EDA: variants seen among roughly 807,000 people sequenced by gnomAD.
EDA encodes ectodysplasin-A.
EDA carries 2 observed loss-of-function variants against 23.6 expected under a neutral mutation model. The ratio of observed to expected loss-of-function variants is 0.08; its 90% CI spans 0.03 to 0.27. The LOEUF is 0.27. EDA is among the 10% of genes least tolerant of loss of function. EDA has a pLI of 1.00. For missense variants in EDA, 229 were observed against 324.2 expected (o/e 0.71, Z 2.26); for synonymous variants, 131 against 132.0 (o/e 0.99, Z 0.05).
intron 2 of EDA, among the ~76,000 whole-genome samples, chrX:70,002,849 G>A (rs2019757309): frequency 8.9e-6 from 1 of 111,875 alleles, no homozygotes; most frequent in Non-Finnish European, 1.9e-5. Context: ...GGTTGATTAG[G>A]GCAATGTTAG....
chrX:69,627,499 G>A (rs993438903), intron 1 of EDA, among the ~76,000 whole-genome samples: 1 of 111,326 alleles, frequency 9.0e-6, no homozygotes, highest in African/African-American at 3.3e-5. Context: ...ACAGGTCCCT[G>A]GCCACACCCA....
intron 1 of EDA, among the ~76,000 whole-genome samples, chrX:69,826,090 A>G (rs1360308074): frequency 2.7e-5 from 3 of 110,139 alleles, no homozygotes; most frequent in African/African-American, 1.0e-4. Flanking sequence ...CTGTTCTTTT[A>G]CATTTGCTGA....
At chrX:69,765,551 G>A (rs761671487) in intron 1 of EDA, among the ~76,000 whole-genome samples, 1 of 111,887 alleles carries the variant, frequency 8.9e-6, no homozygotes, top group Non-Finnish European at 1.9e-5. Context: ...GTAGTTGTTT[G>A]CAATGTGTTG....
At chrX:69,916,999 G>A (rs999109756) in intron 1 of EDA, among the ~76,000 whole-genome samples, 1 of 110,132 alleles carries the variant, frequency 9.1e-6, no homozygotes, top group Non-Finnish European at 1.9e-5. Context: ...ATAATGGCAC[G>A]TCTCAGCTCA....
At chrX:69,863,693 G>T (rs1199200178) in intron 1 of EDA, among the ~76,000 whole-genome samples, 1 of 106,086 alleles carries the variant, frequency 9.4e-6, no homozygotes, top group Non-Finnish European at 1.9e-5. Context: ...GCATCTACAG[G>T]TGTATGTATG....
At chrX:69,826,159 G>A (rs1383599075) in intron 1 of EDA, among the ~76,000 whole-genome samples, 1 of 111,799 alleles carries the variant, frequency 8.9e-6, no homozygotes, top group Admixed American at 9.5e-5. Flanking sequence ...GTGGTGCTGA[G>A]AAGAATGTAT....
chrX:69,784,649 A>G (rs1198709685), intron 1 of EDA, among the ~76,000 whole-genome samples: 1 of 107,622 alleles, frequency 9.3e-6, no homozygotes, highest in African/African-American at 3.4e-5. Context: ...CCATTGATCT[A>G]TATCTCTGTT....
At chrX:69,733,395 A>T (rs1320835243) in intron 1 of EDA, among the ~76,000 whole-genome samples, 1 of 111,842 alleles carries the variant, frequency 8.9e-6, no homozygotes, top group Non-Finnish European at 1.9e-5. Flanking sequence ...CAGGTTTGTC[A>T]AAGATCAGAT....
chrX:69,949,864 G>T (rs1259784605), intron 1 of EDA, among the ~76,000 whole-genome samples: 1 of 111,614 alleles, frequency 9.0e-6, no homozygotes, highest in Non-Finnish European at 1.9e-5. Context: ...TTAATAAATG[G>T]TGCTGGGAAA....
At chrX:69,951,287 C>T (rs1045030469) in intron 1 of EDA, among the ~76,000 whole-genome samples, 2 of 111,436 alleles carry the variant, frequency 1.8e-5, no homozygotes, top group Admixed American at 1.9e-4. Flanking sequence ...GATGCAGCAA[C>T]AAGATGCCAT....
At chrX:69,941,374 T>A (rs1473131523) in intron 1 of EDA, among the ~76,000 whole-genome samples, 3 of 111,609 alleles carry the variant, frequency 2.7e-5, no homozygotes, top group East Asian at 5.6e-4. Context: ...AGTGTTGAAG[T>A]CTCCATCTAT....
intron 1 of EDA, among the ~76,000 whole-genome samples, chrX:69,788,710 A>G (rs775097408): frequency 1.7e-4 from 19 of 112,769 alleles, no homozygotes; most frequent in African/African-American, 5.1e-4. Context: ...TCAGACAGGG[A>G]CATTTAAGTC....
intron 2 of EDA, among the ~76,000 whole-genome samples, chrX:69,965,019 C>A (rs2019155196): frequency 8.9e-6 from 1 of 112,091 alleles, no homozygotes; most frequent in African/African-American, 3.2e-5. Flanking sequence ...CTACCCTAAT[C>A]AAACTCACTG....
intron 1 of EDA, among the ~76,000 whole-genome samples, chrX:69,621,779 C>T (rs1446209105): frequency 9.0e-6 from 1 of 111,191 alleles, no homozygotes; most frequent in Non-Finnish European, 1.9e-5. Context: ...CTTGCTCTGT[C>T]ACCCAGGTTG....
intron 1 of EDA, among the ~76,000 whole-genome samples, chrX:69,855,508 AG>A (rs2017227016): frequency 8.9e-6 from 1 of 112,003 alleles, no homozygotes; most frequent in Non-Finnish European, 1.9e-5. Flanking sequence ...ATAAGGAAGG[AG>A]TCCAGTTTCA....
intron 1 of EDA, among the ~76,000 whole-genome samples, chrX:69,936,158 C>A (rs772831963): frequency 6.4e-5 from 7 of 109,430 alleles, no homozygotes; most frequent in Non-Finnish European, 1.1e-4. Flanking sequence ...GACTTGTTAT[C>A]TTTGGATTTT....
chrX:69,630,052 G>C lies in EDA; in HGVS notation c.396+13348G>C, dbSNP rs1038916113. Among the ~76,000 whole-genome samples, 5 of 111,196 alleles carry C rather than the reference G, an allele frequency of 4.5e-5. No homozygotes were observed. In the East Asian group the frequency reaches 1.1e-3, roughly 25 times the overall value. Reference sequence around the variant, plus strand: ...CGTGTAAATGTGGGAAAGCCCTTAAGGTCAGGACTCTCTCTGTTTGTCTTG... The same window carrying C: ...CGTGTAAATGTGGGAAAGCCCTTAACGTCAGGACTCTCTCTGTTTGTCTTG... On this transcript the variant is annotated intron_variant, in intron 1 of 7. Transcript: ENST00000374552.
intron 1 of EDA, among the ~76,000 whole-genome samples, chrX:69,797,153 A>T (rs758074734): frequency 9.0e-6 from 1 of 111,415 alleles, no homozygotes. Flanking sequence ...GGGTTAGAAA[A>T]TGCATTTAGC....
rs746614029 is a variant in EDA, at chrX:69,797,216, C to A, written c.397-159811C>A. 4.5e-5 allele frequency among the ~76,000 whole-genome samples: 5 copies of A among 111,110 alleles called. 1 individual carries two copies. The South Asian group carries it at 1.9e-3, about 42-fold the overall frequency. On this transcript the variant is annotated intron_variant, in intron 1 of 7. Transcript: ENST00000374552. ...TAAGACTAGCAAGAGATTTAGACATCCAGGTACAGGAGGCTCAGAGGTCCC... is the reference window on the plus strand; with the variant it reads ...TAAGACTAGCAAGAGATTTAGACATACAGGTACAGGAGGCTCAGAGGTCCC...
Sources: gnomAD v4.1 joint callset for allele counts (sites outside exome capture counted in the v4.1 genomes callset) on GRCh38, gnomAD v4.1.1 for gene constraint, MANE v1.5 for transcripts, NCBI Gene and HGNC (gene_info 2026-07-23, HGNC 2026-07-21) for gene names.